RASEF: variants seen among roughly 807,000 people sequenced by gnomAD.
RASEF encodes the protein RAS and EF-hand domain containing.
A neutral mutation model predicts 90.1 loss-of-function variants in RASEF; 68 were observed. The ratio of observed to expected loss-of-function variants is 0.75; its 90% confidence interval spans 0.62 to 0.92. RASEF has a LOEUF of 0.92. RASEF is among the 40% of genes least tolerant of loss of function. RASEF has a pLI of 0.00. For missense variants in RASEF, 949 were observed against 937.2 expected (o/e 1.01, Z -0.16); for synonymous variants, 331 against 345.2 (o/e 0.96, Z 0.46).
At chr9:83,182,497 A>G in the RASEF span, among the ~76,000 whole-genome samples, 2 of 152,240 alleles carry the variant, frequency 1.3e-5, no homozygotes, top group East Asian at 3.8e-4. Flanking sequence ...ACTGTAAATC[A>G]GAGGAAATCT....
the RASEF span, among the ~76,000 whole-genome samples, chr9:83,093,114 T>A: frequency 4.6e-5 from 7 of 152,158 alleles, no homozygotes; most frequent in Non-Finnish European, 7.4e-5. Context: ...CACAGGGTGC[T>A]GATTGGTGTG....
At chr9:83,159,769 C>T in the RASEF span, among the ~76,000 whole-genome samples, 14 of 152,118 alleles carry the variant, frequency 9.2e-5, no homozygotes, top group Admixed American at 2.0e-4. Context: ...GGCACTGATA[C>T]GGTTTAGCTG....
intron 6 of RASEF, among the ~76,000 whole-genome samples, chr9:83,008,031 T>C (rs1829165548): frequency 6.6e-6 from 1 of 152,052 alleles, no homozygotes; most frequent in African/African-American, 2.4e-5. Context: ...ACCACAGAGA[T>C]CCCCAAAGAA....
chr9:83,057,351 C>T (rs1830120331), intron 1 of RASEF, among the ~76,000 whole-genome samples: 1 of 152,044 alleles, frequency 6.6e-6, no homozygotes, highest in Non-Finnish European at 1.5e-5. Context: ...TCTCAGGATA[C>T]AAAAATCAAT....
At chr9:83,106,903 T>C in the RASEF span, among the ~76,000 whole-genome samples, 1 of 152,010 alleles carries the variant, frequency 6.6e-6, no homozygotes, top group African/African-American at 2.4e-5. Flanking sequence ...ATCTGGCCAG[T>C]ATCCCAAGGT....
chr9:83,101,257 G>A, the RASEF span, among the ~76,000 whole-genome samples: 453 of 152,286 alleles, frequency 3.0e-3, 3 homozygotes, highest in African/African-American at 0.011. Context: ...ATTAAGCACA[G>A]TTACCTCTTA....
At chr9:83,173,875 T>C in the RASEF span, among the ~76,000 whole-genome samples, 1 of 151,946 alleles carries the variant, frequency 6.6e-6, no homozygotes, top group Non-Finnish European at 1.5e-5. Context: ...TTGTACCAAT[T>C]CTTTAGAGGG....
At chr9:83,190,724 A>C in the RASEF span, among the ~76,000 whole-genome samples, 5 of 152,328 alleles carry the variant, frequency 3.3e-5, no homozygotes, top group South Asian at 1.0e-3. Context: ...AATATACATA[A>C]TTGCCGATGA....
chr9:83,175,856 G>A, the RASEF span, among the ~76,000 whole-genome samples: 2 of 152,222 alleles, frequency 1.3e-5, no homozygotes, highest in Admixed American at 6.5e-5. Flanking sequence ...CTGGGATACA[G>A]GCGTGAGCCA....
chr9:83,003,909 T>C (rs1480169028), intron 9 of RASEF, among the ~76,000 whole-genome samples: 1 of 152,184 alleles, frequency 6.6e-6, no homozygotes. Flanking sequence ...CATACACTCA[T>C]GTAATCTCTA....
At chr9:83,072,992 T>G in the RASEF span, among the ~76,000 whole-genome samples, 1 of 152,128 alleles carries the variant, frequency 6.6e-6, no homozygotes. Flanking sequence ...TCAGGTTGAG[T>G]GATATAAGTA....
At chr9:83,147,690 C>G in the RASEF span, among the ~76,000 whole-genome samples, 2 of 152,126 alleles carry the variant, frequency 1.3e-5, no homozygotes, top group Non-Finnish European at 2.9e-5. Flanking sequence ...TTAACCAGCT[C>G]AGTGCCCTTT....
chr9:83,143,031 C>A, the RASEF span, among the ~76,000 whole-genome samples: 20 of 152,222 alleles, frequency 1.3e-4, no homozygotes, highest in Admixed American at 3.3e-4. Flanking sequence ...TGATTAAACT[C>A]ATCAGTTTAG....
chr9:83,213,581 T>C, the RASEF span, among the ~76,000 whole-genome samples: 1 of 152,258 alleles, frequency 6.6e-6, no homozygotes, highest in South Asian at 2.1e-4. Flanking sequence ...CGGAAGTAGC[T>C]GATGGATAAA....
At chr9:83,039,629 T>C (rs973725744) in intron 1 of RASEF, among the ~76,000 whole-genome samples, 2 of 152,096 alleles carry the variant, frequency 1.3e-5, no homozygotes, top group Admixed American at 6.5e-5. Flanking sequence ...AGTGAGAAAG[T>C]AGGAGATTCT....
the RASEF span, among the ~76,000 whole-genome samples, chr9:83,159,068 C>T: frequency 6.6e-6 from 1 of 151,818 alleles, no homozygotes; most frequent in African/African-American, 2.4e-5. Flanking sequence ...TGCCTGTAGT[C>T]CCAGCTACTT....
intron 3 of RASEF, among the ~76,000 whole-genome samples, chr9:83,018,581 A>G (rs1452422798): frequency 6.6e-6 from 1 of 152,142 alleles, no homozygotes; most frequent in Non-Finnish European, 1.5e-5. Context: ...TTTTTAAAAG[A>G]AATTGAAAGG....
At chr9:83,144,472 A>AAG in the RASEF span, among the ~76,000 whole-genome samples, 34 of 133,000 alleles carry the variant, frequency 2.6e-4, no homozygotes, top group Middle Eastern at 3.9e-3. Context: ...GAGAAAAGAA[A>AAG]AGAAGAGAAA....
chr9:83,167,744 G>T, the RASEF span, among the ~76,000 whole-genome samples: 4 of 151,960 alleles, frequency 2.6e-5, no homozygotes, highest in Non-Finnish European at 5.9e-5. Context: ...GCCTATTCTG[G>T]ACATTTCATA....
Sources: gnomAD v4.1 joint callset for allele counts (sites outside exome capture counted in the v4.1 genomes callset) on GRCh38, gnomAD v4.1.1 for gene constraint, MANE v1.5 for transcripts, NCBI Gene and HGNC (gene_info 2026-07-23, HGNC 2026-07-21) for gene names.